Variants in ZPBP observed in about 807,000 individuals in gnomAD.
The protein encoded by ZPBP is zona pellucida binding protein.
ZPBP carries 26 observed loss-of-function variants against 44.8 expected under a neutral mutation model. That is an observed-to-expected ratio of 0.58 (90% CI 0.43 to 0.81). ZPBP has a LOEUF of 0.81. ZPBP is among the 30% of genes least tolerant of loss of function. The pLI, the probability that ZPBP is intolerant of heterozygous loss-of-function variation, is 0.00. For synonymous variants in ZPBP, 174 were observed against 153.2 expected (o/e 1.14, Z -1.00); for missense variants, 409 against 434.0 (o/e 0.94, Z 0.51).
At chr7:49,983,744 T>C (rs76627053) in intron 6 of ZPBP, among the ~76,000 whole-genome samples, 4,709 of 152,164 alleles carry the variant, frequency 0.031, 97 homozygotes, top group Middle Eastern at 0.061. Flanking sequence ...AAGAAATCAT[T>C]TGAAGATTTC....
intron 7 of ZPBP, 98 bp from the exon 8 acceptor site, chr7:49,937,720 T>A: frequency 2.1e-6 from 2 of 968,862 alleles, no homozygotes; most frequent in Non-Finnish European, 3.2e-6. Flanking sequence ...TCAGTAGTAT[T>A]AAGCATATTC....
chr7:50,007,217 CT>C (rs1208783505), intron 6 of ZPBP, among the ~76,000 whole-genome samples: 2 of 151,920 alleles, frequency 1.3e-5, no homozygotes, highest in Non-Finnish European at 2.9e-5. Flanking sequence ...ATAAATTACC[CT>C]TTCTAAGGTA....
chr7:50,056,746 G>T (rs565043252), intron 4 of ZPBP, among the ~76,000 whole-genome samples: 1 of 152,086 alleles, frequency 6.6e-6, no homozygotes, highest in South Asian at 2.1e-4. Flanking sequence ...CATGCATTTC[G>T]AGGAAATCAC....
intron 1 of ZPBP, among the ~76,000 whole-genome samples, chr7:50,090,543 A>C (rs896549617): frequency 6.6e-6 from 1 of 151,280 alleles, no homozygotes; most frequent in Non-Finnish European, 1.5e-5. Context: ...GTGTGTATAT[A>C]TGTGTGCATA....
intron 2 of ZPBP, among the ~76,000 whole-genome samples, chr7:49,864,847 T>C (rs1790812345): frequency 6.6e-6 from 1 of 152,196 alleles, no homozygotes; most frequent in Admixed American, 6.5e-5. Context: ...CCTCAAAGCT[T>C]TCCTGCCATT....
intron 2 of ZPBP, among the ~76,000 whole-genome samples, chr7:49,867,182 A>G (rs1191834972): frequency 6.6e-6 from 1 of 152,254 alleles, no homozygotes; most frequent in South Asian, 2.1e-4. Flanking sequence ...TTTCCCTTTC[A>G]GTCAACTTCA....
chr7:50,043,152 G>C (rs1800177362), intron 4 of ZPBP, among the ~76,000 whole-genome samples: 1 of 152,206 alleles, frequency 6.6e-6, no homozygotes, highest in African/African-American at 2.4e-5. Flanking sequence ...ACTAGCCAGA[G>C]CCCATCCCTT....
chr7:50,019,654 G>A (rs915095320), intron 5 of ZPBP, among the ~76,000 whole-genome samples: 1 of 151,928 alleles, frequency 6.6e-6, no homozygotes, highest in African/African-American at 2.4e-5. Flanking sequence ...AGAATAATGG[G>A]AAATCTTTAT....
At chr7:49,913,577 T>C (rs1010477947) in intron 1 of ZPBP, 2 of 152,188 alleles carry the variant, frequency 1.3e-5, no homozygotes, top group African/African-American at 2.4e-5. Context: ...AAATTTTGCA[T>C]TAAGAACCTA....
chr7:49,867,521 T>C (rs1374563701), intron 2 of ZPBP, among the ~76,000 whole-genome samples: 3 of 152,172 alleles, frequency 2.0e-5, no homozygotes, highest in South Asian at 2.1e-4. Flanking sequence ...TGTGCTGACA[T>C]AGTCTTCTTG....
At chr7:50,027,441 C>A (rs1428525605) in intron 5 of ZPBP, among the ~76,000 whole-genome samples, 1 of 151,848 alleles carries the variant, frequency 6.6e-6, no homozygotes, top group Non-Finnish European at 1.5e-5. Flanking sequence ...AAAATACAAC[C>A]TACCAAAAAG....
At chr7:49,846,944 T>G (rs1789966071), downstream of ZPBP, among the ~76,000 whole-genome samples, 1 of 152,220 alleles carries the variant, frequency 6.6e-6, no homozygotes, top group African/African-American at 2.4e-5. Context: ...AATTAGCAGT[T>G]TGACAGATTG....
chr7:49,944,248 T>C, intron 7 of ZPBP: 1 of 364,682 alleles, frequency 2.7e-6, no homozygotes, highest in Admixed American at 3.2e-5. Context: ...AAGCCACCTT[T>C]GATTGATATT....
intron 6 of ZPBP, among the ~76,000 whole-genome samples, chr7:50,014,452 ATTCT>A (rs919514266): frequency 2.0e-5 from 3 of 148,480 alleles, no homozygotes; most frequent in Non-Finnish European, 3.0e-5. Context: ...TTTTTTATTT[ATTCT>A]TTCTTTTTCT....
chr7:49,899,192 T>C (rs1792571724), intron 2 of ZPBP, among the ~76,000 whole-genome samples: 2 of 152,038 alleles, frequency 1.3e-5, no homozygotes, highest in South Asian at 4.1e-4. Context: ...TTGAACCCTA[T>C]ACATACTATG....
chr7:49,841,853 G>T, the ZPBP span, among the ~76,000 whole-genome samples: 5 of 152,100 alleles, frequency 3.3e-5, no homozygotes, highest in African/African-American at 1.2e-4. Context: ...CCTAGGAGGA[G>T]AATGTTGTAA....
At chr7:50,065,620 T>G (rs1203808997) in intron 3 of ZPBP, among the ~76,000 whole-genome samples, 1 of 150,876 alleles carries the variant, frequency 6.6e-6, no homozygotes, top group East Asian at 1.9e-4. Context: ...GTGGCATTAA[T>G]TTTTTTGCCT....
intron 7 of ZPBP, among the ~76,000 whole-genome samples, chr7:49,948,895 T>C (rs911445018): frequency 5.9e-5 from 9 of 152,118 alleles, no homozygotes; most frequent in Non-Finnish European, 1.3e-4. Context: ...GAAAGAAGTG[T>C]CTCAAAGAGA....
At chr7:49,847,734 A>G (rs1001442496), downstream of ZPBP, among the ~76,000 whole-genome samples, 2 of 152,260 alleles carry the variant, frequency 1.3e-5, no homozygotes, top group African/African-American at 4.8e-5. Flanking sequence ...AGGATTGGCT[A>G]CTTGGAGTGA....
Sources: gnomAD v4.1 joint callset for allele counts (sites outside exome capture counted in the v4.1 genomes callset) on GRCh38, gnomAD v4.1.1 for gene constraint, MANE v1.5 for transcripts, NCBI Gene and HGNC (gene_info 2026-07-23, HGNC 2026-07-21) for gene names.